ZNF536: variants seen among roughly 807,000 people sequenced by gnomAD.
The protein encoded by ZNF536 is zinc finger protein 536.
A neutral mutation model predicts 84.5 loss-of-function variants in ZNF536; 13 were observed. The ratio of observed to expected loss-of-function variants is 0.15; its 90% CI spans 0.10 to 0.24. ZNF536 has a LOEUF of 0.24. Among genes scored for constraint, ZNF536 ranks in the 10% least tolerant of loss-of-function variants. The pLI is 1.00. For synonymous variants in ZNF536, 811 were observed against 742.5 expected (o/e 1.09, Z -1.50); for missense variants, 1,536 against 1,747.5 (o/e 0.88, Z 2.16).
At chr19:30,489,665 T>C (rs958455963) in intron 2 of ZNF536, among the ~76,000 whole-genome samples, 7 of 152,104 alleles carry the variant, frequency 4.6e-5, no homozygotes, top group Admixed American at 6.6e-5. Flanking sequence ...TAAAACTGTA[T>C]GTAACTTGTT....
At chr19:30,594,968 C>T (rs1406409106) in intron 1 of ZNF536, among the ~76,000 whole-genome samples, 1 of 152,050 alleles carries the variant, frequency 6.6e-6, no homozygotes, top group East Asian at 1.9e-4. Context: ...GCCCTGGCAG[C>T]ACTGAGTTCT....
At chr19:30,402,757 G>C (rs887628643) in intron 1 of ZNF536, among the ~76,000 whole-genome samples, 1 of 138,016 alleles carries the variant, frequency 7.2e-6, no homozygotes, top group Non-Finnish European at 1.6e-5. Flanking sequence ...GTAAAAACAT[G>C]TGTGTTGCTT....
intron 1 of ZNF536, among the ~76,000 whole-genome samples, chr19:30,271,630 TG>T (rs2025861594): frequency 6.6e-6 from 1 of 152,190 alleles, no homozygotes; most frequent in Non-Finnish European, 1.5e-5. Flanking sequence ...AGTTTCTAGC[TG>T]GGGAGGTGGC....
At chr19:30,703,518 C>G (rs1390722383) in intron 1 of ZNF536, among the ~76,000 whole-genome samples, 1 of 152,200 alleles carries the variant, frequency 6.6e-6, no homozygotes, top group Non-Finnish European at 1.5e-5. Context: ...CTGTTAACAA[C>G]TTGTTCCTTT....
chr19:30,620,276 T>G (rs1262602956), intron 1 of ZNF536, among the ~76,000 whole-genome samples: 1 of 152,126 alleles, frequency 6.6e-6, no homozygotes, highest in Non-Finnish European at 1.5e-5. Flanking sequence ...AGCAACCTGT[T>G]TTTAAAATAA....
At chr19:30,229,859 A>G (rs1360206520) in intron 1 of ZNF536, among the ~76,000 whole-genome samples, 3 of 152,192 alleles carry the variant, frequency 2.0e-5, no homozygotes, top group Non-Finnish European at 4.4e-5. Flanking sequence ...AAGTCTCAGC[A>G]CTGGGCCTCT....
At chr19:30,483,042 G>A (rs1308807720) in intron 2 of ZNF536, among the ~76,000 whole-genome samples, 1 of 152,132 alleles carries the variant, frequency 6.6e-6, no homozygotes, top group East Asian at 1.9e-4. Flanking sequence ...GGGGACAGGG[G>A]TGCCCCATGT....
At chr19:30,613,378 T>G (rs950504038) in intron 1 of ZNF536, among the ~76,000 whole-genome samples, 1 of 152,250 alleles carries the variant, frequency 6.6e-6, no homozygotes, top group South Asian at 2.1e-4. Flanking sequence ...AGTCCAACTG[T>G]GATTTTTCTA....
chr19:30,479,562 C>T (rs2053987579), intron 2 of ZNF536, among the ~76,000 whole-genome samples: 1 of 152,244 alleles, frequency 6.6e-6, no homozygotes, highest in Non-Finnish European at 1.5e-5. Flanking sequence ...TCATTTTCCC[C>T]TTGGCCTGGT....
At chr19:30,678,716 T>G (rs1489239020) in intron 1 of ZNF536, among the ~76,000 whole-genome samples, 4 of 147,894 alleles carry the variant, frequency 2.7e-5, no homozygotes, top group South Asian at 2.2e-4. Flanking sequence ...TCGGAGCTCC[T>G]TGGTACCCAC....
chr19:30,349,645 C>A (rs909211397), intron 2 of ZNF536, among the ~76,000 whole-genome samples: 1 of 152,106 alleles, frequency 6.6e-6, no homozygotes. Flanking sequence ...CCCACACCCT[C>A]CTCTCCTTGG....
In ZNF536 at chr19:30,504,740, C is replaced by T. The variant is rs979346295; in HGVS notation, c.2171-30107C>T. Among the ~76,000 whole-genome samples the T allele has an allele frequency of 4.0e-5, 6 of 151,718 alleles. 1 individual carries two copies. Among genetic ancestry groups the T allele is most frequent in the Admixed American group, 3.9e-4 (6 of 15,224 alleles). ...TGCTTCTTGTCAGGTATGTTCTGGGCTCCTCGGATTCAGGCTGCTGCCCTC... is the reference window on the plus strand; with the variant it reads ...TGCTTCTTGTCAGGTATGTTCTGGGTTCCTCGGATTCAGGCTGCTGCCCTC... On this transcript the variant is annotated intron_variant, in intron 2 of 4. Transcript: ENST00000355537.
intron 1 of ZNF536, among the ~76,000 whole-genome samples, chr19:30,689,273 C>G (rs952749031): frequency 2.0e-5 from 3 of 152,220 alleles, no homozygotes; most frequent in Non-Finnish European, 4.4e-5. Context: ...TTACGCTAAC[C>G]TAACACTGGA....
chr19:30,548,762 C>G lies in ZNF536; in HGVS notation c.3143C>G (p.Ala1048Gly). The G allele has an allele frequency of 6.2e-7, 1 of 1,613,832 alleles. No homozygotes were observed. Among genetic ancestry groups the G allele is most frequent in the Non-Finnish European group, 8.5e-7 (1 of 1,179,996 alleles). ...TVNCKDQARE[A>G]SKMALLPSLQ... is the part of the protein sequence containing the mutation. ...AACTGCAAAGACCAAGCCCGGGAGG[C>G]GAGTAAGATGGCCCTGCTGCCCTCG... Residue 1048 changes from alanine to glycine, a missense_variant, in exon 4 of 5, where the codon GCG becomes GGG. Around this residue, in one of 8 missense-constraint regions of ZNF536, gnomAD observed 624 missense variants for 603.1 expected, o/e 1.03. Transcript: ENST00000355537.
At chr19:30,519,496 G>A (rs2044230958) in intron 2 of ZNF536, among the ~76,000 whole-genome samples, 1 of 152,204 alleles carries the variant, frequency 6.6e-6, no homozygotes, top group Non-Finnish European at 1.5e-5. Context: ...AGAGGAGGGG[G>A]CTGGACTGAT....
At chr19:30,457,380 A>C (rs2052904305) in intron 2 of ZNF536, among the ~76,000 whole-genome samples, 1 of 152,244 alleles carries the variant, frequency 6.6e-6, no homozygotes. Flanking sequence ...TGGGAGCCAC[A>C]GTCTAAGTAA....
intron 1 of ZNF536, among the ~76,000 whole-genome samples, chr19:30,626,038 A>G (rs2048664358): frequency 1.3e-5 from 2 of 152,246 alleles, no homozygotes; most frequent in African/African-American, 2.4e-5. Context: ...TTTACCAAGA[A>G]AAAAACATCC....
At chr19:30,383,650 CTTTCTCTCTTTCT>C (rs1568376211) in intron 1 of ZNF536, among the ~76,000 whole-genome samples, 572 of 31,012 alleles carry the variant, frequency 0.018, 5 homozygotes, top group Non-Finnish European at 0.027. Context: ...TCCTTCCTTT[CTTTCTCTCTTTCT>C]CTTTCTTTCT....
intron 1 of ZNF536, among the ~76,000 whole-genome samples, chr19:30,569,928 A>G (rs928235718): frequency 6.6e-6 from 1 of 152,154 alleles, no homozygotes; most frequent in African/African-American, 2.4e-5. Flanking sequence ...GGCTGTGGAT[A>G]GCAGTGGTTC....
Sources: allele counts gnomAD v4.1 joint callset (sites outside exome capture counted in the v4.1 genomes callset), GRCh38; gene constraint gnomAD v4.1.1; regional missense constraint gnomAD v4.1.1; transcripts MANE v1.5; gene names NCBI Gene and HGNC (gene_info 2026-07-23, HGNC 2026-07-21).